Variants in POF1B observed in about 807,000 individuals in gnomAD.
The protein encoded by POF1B is POF1B actin binding protein, also known as protein POF1B.
In POF1B, 53 loss-of-function variants were observed where a neutral mutation model predicts 55.3. That is an observed-to-expected ratio of 0.96 (90% CI 0.77 to 1.20). The LOEUF is 1.20. Ranked by LOEUF, POF1B falls within the 50% of genes most tolerant of loss-of-function variation. The pLI is 0.00. For synonymous variants in POF1B, 188 were observed against 148.3 expected, an observed-to-expected ratio of 1.27 and a Z score of -1.95; for missense variants, 478 against 420.5, an observed-to-expected ratio of 1.14 and a Z score of -1.20.
intron 6 of POF1B, among the ~76,000 whole-genome samples, chrX:85,331,409 G>A (rs1932976850): frequency 9.0e-6 from 1 of 110,667 alleles, no homozygotes; most frequent in South Asian, 3.8e-4. Context: ...TGTGGAAAAA[G>A]AAAATGTGAA....
At chrX:85,299,747 A>T (rs1289912268) in intron 15 of POF1B, among the ~76,000 whole-genome samples, 1 of 109,794 alleles carries the variant, frequency 9.1e-6, no homozygotes, top group African/African-American at 3.3e-5. Flanking sequence ...TGACCTCGTG[A>T]TCCATCCACC....
At chrX:85,363,213 A>G (rs746219297) in intron 3 of POF1B, among the ~76,000 whole-genome samples, 3 of 110,725 alleles carry the variant, frequency 2.7e-5, no homozygotes, top group African/African-American at 9.8e-5. Context: ...GGATTTGTAG[A>G]TCTTTTGAAT....
chrX:85,357,616 T>A (rs1018769362), intron 4 of POF1B, among the ~76,000 whole-genome samples: 1 of 111,181 alleles, frequency 9.0e-6, no homozygotes, highest in Admixed American at 9.6e-5. Flanking sequence ...TTGAGACGGT[T>A]GACCACCCCA....
chrX:85,372,707 A>G (rs1293899101), intron 2 of POF1B, among the ~76,000 whole-genome samples: 1 of 103,534 alleles, frequency 9.7e-6, no homozygotes, highest in East Asian at 3.0e-4. Flanking sequence ...CATGTACCCC[A>G]GAACTTAAAG....
chrX:85,363,725 G>A (rs144383851), intron 3 of POF1B, among the ~76,000 whole-genome samples: 2 of 111,582 alleles, frequency 1.8e-5, no homozygotes, highest in African/African-American at 6.5e-5. Context: ...ATATTATGCT[G>A]TTTTGGAGAG....
intron 7 of POF1B, among the ~76,000 whole-genome samples, chrX:85,330,723 C>T (rs771903036): frequency 9.0e-6 from 1 of 110,922 alleles, no homozygotes; most frequent in African/African-American, 3.3e-5. Flanking sequence ...ATGTAAATGA[C>T]GAGTTAATGG....
intron 16 of POF1B, 96 bp downstream of exon 16, chrX:85,282,107 A>T (rs1603017485): frequency 1.0e-6 from 1 of 956,536 alleles, no homozygotes; most frequent in East Asian, 4.0e-5. Flanking sequence ...AGAAAAAAAT[A>T]CTCAAAGTTT....
chrX:85,335,382 A>G (rs1414204963), intron 6 of POF1B, among the ~76,000 whole-genome samples: 6 of 111,550 alleles, frequency 5.4e-5, no homozygotes, highest in Non-Finnish European at 1.1e-4. Flanking sequence ...TTTTGGATGT[A>G]TAAGATTACT....
intron 7 of POF1B, among the ~76,000 whole-genome samples, chrX:85,328,462 C>T (rs1325620708): frequency 1.8e-5 from 2 of 110,738 alleles, no homozygotes; most frequent in African/African-American, 6.6e-5. Flanking sequence ...CCTTGGCCTC[C>T]CAAAGTGCTG....
At chrX:85,327,973 A>G (rs1235234950) in intron 7 of POF1B, among the ~76,000 whole-genome samples, 1 of 110,968 alleles carries the variant, frequency 9.0e-6, no homozygotes, top group Non-Finnish European at 1.9e-5. Context: ...TAATTGCTGA[A>G]TTGCATTTTG....
At position 85,379,284 on chromosome X, in the gene POF1B, C is replaced by T. The variant is rs994100885; in HGVS notation, c.171G>A (p.Gly57=). The part of the protein sequence containing the change: ...VVYERVRTYS[G]PMNKVVQALD... ...AGGCCTGCACCACCTTGTTCATGGG[C>T]CCACTGTAGGTCCTCACTCGCTCAT... Residue 57 remains glycine (G), a synonymous_variant, in exon 2 of 17, where the codon GGG becomes GGA. Coordinates refer to ENST00000262753, the MANE Select transcript of POF1B (RefSeq NM_024921.4). 1 of 1,210,702 alleles carries T rather than the reference C, an allele frequency of 8.3e-7. No homozygotes were observed. The highest frequency in any genetic ancestry group is 1.1e-6 in the Non-Finnish European group (1 of 895,276).
intron 9 of POF1B, among the ~76,000 whole-genome samples, chrX:85,310,896 C>T (rs768612280): frequency 1.8e-5 from 2 of 111,933 alleles, no homozygotes; most frequent in South Asian, 7.4e-4. Flanking sequence ...ACAGATTTCT[C>T]ATTACAAATC....
At chrX:85,371,340 A>T (rs1933817081) in intron 2 of POF1B, among the ~76,000 whole-genome samples, 1 of 112,072 alleles carries the variant, frequency 8.9e-6, no homozygotes, top group African/African-American at 3.2e-5. Context: ...TTTCCTTTTG[A>T]TGATGATTAT....
rs1056373744 is a variant in POF1B at position 85,360,381 on chromosome X, G to A, written c.358-751C>T. Among the ~76,000 whole-genome samples the A allele has an allele frequency of 2.9e-5, 3 of 104,864 alleles. No homozygotes were observed. The East Asian group carries it at 9.0e-4, about 32-fold the overall frequency. The allele number at this position is 104,864 out of a possible 115,157, so 91.1% of individuals were successfully genotyped here. ...TGTGTCCATGATTTCTCATTATTTAGCTCCCACTTATAAGTGAGAACATGC... is the reference window on the plus strand; with the variant it reads ...TGTGTCCATGATTTCTCATTATTTAACTCCCACTTATAAGTGAGAACATGC... On this transcript the variant is annotated intron_variant, in intron 3 of 16. Coordinates refer to ENST00000262753, the MANE Select transcript of POF1B (RefSeq NM_024921.4).
chrX:85,330,948 C>T lies in POF1B; in HGVS notation c.854+1G>A. The T allele has an allele frequency of 1.7e-6, 2 of 1,177,340 alleles. No individual in the cohort carries two copies. The highest frequency in any genetic ancestry group is 2.0e-5 in the South Asian group (1 of 49,630). ...CAAGGCAAATAATATGTTTACAGTA[C>T]CTTCCTCCAATTCTCTGCAAATGTT... On this transcript the variant is annotated splice_donor_variant, in intron 7 of 16. Transcript: ENST00000262753. LOFTEE classifies it high-confidence loss of function.
chrX:85,346,203 T>C (rs1458737901), intron 5 of POF1B, among the ~76,000 whole-genome samples, 161 bp from the exon 6 acceptor site: 1 of 111,013 alleles, frequency 9.0e-6, no homozygotes, highest in Non-Finnish European at 1.9e-5. Context: ...ATTTTTTTCA[T>C]TGGGAAAATT....
At chrX:85,284,471 G>A (rs887808621) in intron 15 of POF1B, among the ~76,000 whole-genome samples, 1 of 111,342 alleles carries the variant, frequency 9.0e-6, no homozygotes. Flanking sequence ...TAGACCAATG[G>A]AACAGAACAG....
chrX:85,309,825 A>T (rs1301257234), intron 9 of POF1B, among the ~76,000 whole-genome samples: 1 of 111,747 alleles, frequency 8.9e-6, no homozygotes, highest in Non-Finnish European at 1.9e-5. Flanking sequence ...ATTCACTGGG[A>T]TGGTGTCAGA....
intron 7 of POF1B, among the ~76,000 whole-genome samples, chrX:85,321,633 G>A (rs1483087442): frequency 9.4e-6 from 1 of 105,839 alleles, no homozygotes; most frequent in Non-Finnish European, 1.9e-5. Flanking sequence ...TATTCAATTA[G>A]GAAAAGAGGA....
Sources: gnomAD v4.1 joint callset for allele counts (sites outside exome capture counted in the v4.1 genomes callset) on GRCh38, gnomAD v4.1.1 for gene constraint, MANE v1.5 for transcripts, NCBI Gene and HGNC (gene_info 2026-07-23, HGNC 2026-07-21) for gene names.